The following NEK5 variants were observed in gnomAD, a reference collection of about 807,000 sequenced individuals.
The protein encoded by NEK5 is serine/threonine-protein kinase Nek5.
NEK5 carries 88 observed loss-of-function variants against 109.2 expected under a neutral mutation model. That is an observed-to-expected ratio of 0.81 (90% confidence interval 0.68 to 0.96). The LOEUF (loss-of-function observed/expected upper bound fraction) is 0.96. Among genes scored for constraint, NEK5 ranks in the 40% least tolerant of loss-of-function variants. The pLI is 0.00. For missense variants in NEK5, 834 were observed against 920.7 expected (o/e 0.91, Z 1.22); for synonymous variants, 283 against 299.9 (o/e 0.94, Z 0.58).
intron 17 of NEK5, among the ~76,000 whole-genome samples, chr13:52,077,840 T>C (rs964159024): frequency 8.5e-5 from 13 of 152,100 alleles, no homozygotes; most frequent in African/African-American, 3.1e-4. Flanking sequence ...TTTGGGAGGC[T>C]GAGGTGGGTG....
intron 21 of NEK5, among the ~76,000 whole-genome samples, chr13:52,063,831 G>A (rs1387789687): frequency 4.0e-5 from 6 of 151,886 alleles, no homozygotes; most frequent in African/African-American, 9.7e-5. Context: ...GAGCCCCTTC[G>A]CCCGGCAGCC....
chr13:52,100,270 T>C (rs1285712876), intron 11 of NEK5, among the ~76,000 whole-genome samples: 1 of 150,708 alleles, frequency 6.6e-6, no homozygotes, highest in African/African-American at 2.4e-5. Context: ...TCTTCTCTCT[T>C]TTTTTTTTGT....
In NEK5 at chr13:52,087,406, G is replaced by A. The variant is rs749348657; in HGVS notation, c.1324C>T (p.Leu442=). Residue 442 remains leucine, a synonymous_variant, in exon 15 of 24, where the codon CTA becomes TTA. Transcript: ENST00000684899. ...AEPNYNQRQE[L]RSNGEEPRFQ... is the part of the protein sequence containing the mutation. Reference sequence around the variant, plus strand: ...CTAGGCTCTTCTCCATTACTTCTTAGCTCTTGTCTCTGGTTGTAATTTGGC... The same window carrying A: ...CTAGGCTCTTCTCCATTACTTCTTAACTCTTGTCTCTGGTTGTAATTTGGC... 1 of 1,611,968 alleles carries A rather than the reference G, an allele frequency of 6.2e-7. No homozygotes were observed. Among genetic ancestry groups the A allele is most frequent in the East Asian group, 2.2e-5 (1 of 44,840 alleles).
Position 52,100,453 on chromosome 13 carries a change from G to A in NEK5, c.893-577C>T, listed in dbSNP as rs758704843. Among the ~76,000 whole-genome samples, 10 of 152,216 alleles carry A rather than the reference G, an allele frequency of 6.6e-5. No individual in the cohort carries two copies. The East Asian group carries it at 1.5e-3, about 23-fold the overall frequency. ...ATTTTTGTATTTTTAGTAAAGACAT[G>A]GTTTGGCCATGTTGGCCAGACTGGC... On this transcript the variant is annotated intron_variant, in intron 11 of 23. Transcript: ENST00000684899.
At chr13:52,107,859 C>T (rs1186073027) in intron 8 of NEK5, among the ~76,000 whole-genome samples, 5 of 152,020 alleles carry the variant, frequency 3.3e-5, no homozygotes, top group African/African-American at 9.7e-5. Flanking sequence ...GGGTAATCAC[C>T]CCAGGACCTA....
chr13:52,084,105 C>T (rs150785684), intron 16 of NEK5, among the ~76,000 whole-genome samples: 25 of 152,370 alleles, frequency 1.6e-4, no homozygotes, highest in Middle Eastern at 3.4e-3. Flanking sequence ...GCTACCTGCT[C>T]ATTCTGCTCA....
rs148904641 is a variant in NEK5, at chr13:52,065,494, C to T, written c.1965G>A (p.Thr655=). 2.0e-5 allele frequency: 32 copies of T among 1,613,994 alleles called. No homozygotes were observed. The highest frequency in any genetic ancestry group is 1.6e-4 in the Middle Eastern group (1 of 6,084). ...AVADITSTCP[T]GPDNGQVIVI... ...TAAGCACAGACTCACTGTCAGGCCCCGTGGGGCAGGTGGAGGTGATGTCGG... is the reference window on the plus strand; with the variant it reads ...TAAGCACAGACTCACTGTCAGGCCCTGTGGGGCAGGTGGAGGTGATGTCGG... The change falls in exon 21 of 24, where the codon ACG becomes ACA. Residue 655 remains threonine, a synonymous_variant. Transcript: ENST00000684899.
At chr13:52,124,212 C>T (rs979347069) in intron 3 of NEK5, among the ~76,000 whole-genome samples, 5 of 152,078 alleles carry the variant, frequency 3.3e-5, no homozygotes, top group Non-Finnish European at 5.9e-5. Flanking sequence ...AGGAGGATGG[C>T]TTGTTCAAGG....
At chr13:52,039,696 C>T (rs1171005046) in intron 23 of NEK5, among the ~76,000 whole-genome samples, 2 of 152,148 alleles carry the variant, frequency 1.3e-5, no homozygotes, top group Admixed American at 1.3e-4. Context: ...TTACTTAGAC[C>T]TATCTTCCAG....
intron 22 of NEK5, among the ~76,000 whole-genome samples, chr13:52,055,429 G>A (rs1055040966): frequency 6.6e-6 from 1 of 152,096 alleles, no homozygotes; most frequent in African/African-American, 2.4e-5. Flanking sequence ...CCAACATTCA[G>A]GTTCAGGAAA....
At chr13:52,118,933 TG>T (rs1955915402) in intron 4 of NEK5, among the ~76,000 whole-genome samples, 1 of 152,194 alleles carries the variant, frequency 6.6e-6, no homozygotes, top group Non-Finnish European at 1.5e-5. Flanking sequence ...TTATCTGAGC[TG>T]CTCCTTCAGC....
chr13:52,079,286 A>ATCCCTCTCCCTCTCCCTCTCCCTC (rs11275738), intron 17 of NEK5, among the ~76,000 whole-genome samples: 38 of 127,936 alleles, frequency 3.0e-4, no homozygotes, highest in Non-Finnish European at 4.1e-4. Context: ...AAGTAATCTG[A>ATCCCTCTCCCTCTCCCTCTCCCTC]TCCCTCTCCC....
chr13:52,042,579 TATAAATGTTTG>T (rs1039545489), intron 23 of NEK5, among the ~76,000 whole-genome samples: 73 of 151,882 alleles, frequency 4.8e-4, no homozygotes, highest in Non-Finnish European at 9.3e-4. Flanking sequence ...CTACTTGCAC[TATAAATGTTTG>T]AAATTTTTAA....
chr13:52,095,958 T>A (rs562232365), intron 12 of NEK5, among the ~76,000 whole-genome samples: 2 of 152,256 alleles, frequency 1.3e-5, no homozygotes, highest in Admixed American at 1.3e-4. Flanking sequence ...TTGGGGCAGA[T>A]TCCCCCCTTG....
intron 20 of NEK5, among the ~76,000 whole-genome samples, chr13:52,068,390 G>A (rs1349564455): frequency 6.6e-6 from 1 of 151,806 alleles, no homozygotes; most frequent in Non-Finnish European, 1.5e-5. Flanking sequence ...AAATACCTCA[G>A]TAAGGTTTTA....
intron 23 of NEK5, among the ~76,000 whole-genome samples, chr13:52,045,624 G>C (rs1954451429): frequency 2.0e-5 from 3 of 148,796 alleles, no homozygotes; most frequent in African/African-American, 7.4e-5. Context: ...AATTAGCCGG[G>C]CGTGGTGGCC....
At chr13:52,074,545 G>A (rs946016149) in intron 19 of NEK5, among the ~76,000 whole-genome samples, 3 of 151,970 alleles carry the variant, frequency 2.0e-5, no homozygotes, top group African/African-American at 7.3e-5. Context: ...GAAAACCTAG[G>A]AAACACCATT....
intron 16 of NEK5, among the ~76,000 whole-genome samples, chr13:52,083,925 G>A (rs554161239): frequency 6.6e-6 from 1 of 152,224 alleles, no homozygotes; most frequent in Non-Finnish European, 1.5e-5. Context: ...GGCTGCCCAT[G>A]AGCCAGGCCT....
intron 17 of NEK5, among the ~76,000 whole-genome samples, chr13:52,081,449 A>C (rs1593950810): frequency 6.6e-6 from 1 of 152,010 alleles, no homozygotes; most frequent in South Asian, 2.1e-4. Flanking sequence ...GGCCTCCTAA[A>C]TAGCTGGAAC....
Sources: gnomAD v4.1 joint callset for allele counts (sites outside exome capture counted in the v4.1 genomes callset) on GRCh38, gnomAD v4.1.1 for gene constraint, MANE v1.5 for transcripts, NCBI Gene and HGNC (gene_info 2026-07-23, HGNC 2026-07-21) for gene names.